FRAS1: variants seen among roughly 807,000 people sequenced by gnomAD.
The protein encoded by FRAS1 is extracellular matrix organizing protein FRAS1.
Under a neutral mutation model 435.2 loss-of-function variants are expected in FRAS1, and 290 were observed. The ratio of observed to expected loss-of-function variants is 0.67; its 90% CI spans 0.61 to 0.73. The LOEUF is 0.73. Ranked by LOEUF, FRAS1 falls within the 30% of genes least tolerant of loss-of-function variation. FRAS1 has a pLI of 0.00. For missense variants in FRAS1, 4,860 were observed against 5,001.5 expected (o/e 0.97, Z 0.85); for synonymous variants, 1,800 against 1,851.0 (o/e 0.97, Z 0.71).
At chr4:78,304,406 G>A (rs1560640015) in intron 14 of FRAS1, among the ~76,000 whole-genome samples, 1 of 152,160 alleles carries the variant, frequency 6.6e-6, no homozygotes, top group Non-Finnish European at 1.5e-5. Flanking sequence ...TTTTTCTATT[G>A]ATTGGAATAG....
chr4:78,290,677 T>C (rs950426299), intron 14 of FRAS1, among the ~76,000 whole-genome samples: 4 of 152,052 alleles, frequency 2.6e-5, no homozygotes, highest in Non-Finnish European at 5.9e-5. Flanking sequence ...GTCGAACTCC[T>C]GACCTCAAGT....
At chr4:78,129,727 A>G (rs1440946855) in intron 2 of FRAS1, among the ~76,000 whole-genome samples, 2 of 152,118 alleles carry the variant, frequency 1.3e-5, no homozygotes, top group Non-Finnish European at 2.9e-5. Flanking sequence ...TCCTTCTAAA[A>G]TTGACCTCCT....
At chr4:78,500,315 C>T (rs906456984) in intron 61 of FRAS1, among the ~76,000 whole-genome samples, 1 of 152,134 alleles carries the variant, frequency 6.6e-6, no homozygotes, top group Non-Finnish European at 1.5e-5. Flanking sequence ...TCCCTGTGTT[C>T]AAGTGGTTTA....
chr4:78,483,652 A>G (rs1210188812), intron 58 of FRAS1, among the ~76,000 whole-genome samples: 3 of 151,562 alleles, frequency 2.0e-5, no homozygotes, highest in African/African-American at 7.3e-5. Flanking sequence ...AAAAGCGTAT[A>G]CTATGAAAAT....
intron 59 of FRAS1, among the ~76,000 whole-genome samples, chr4:78,489,979 A>AAAAAAAAAAAAAAG (rs1720297246): frequency 6.6e-6 from 1 of 150,640 alleles, no homozygotes; most frequent in African/African-American, 2.4e-5. Flanking sequence ...AAAAAAAAAA[A>AAAAAAAAAAAAAAG]AAAAAAAAGA....
chr4:78,099,152 G>T (rs1267347168), intron 2 of FRAS1, among the ~76,000 whole-genome samples: 2 of 152,294 alleles, frequency 1.3e-5, no homozygotes, highest in South Asian at 2.1e-4. Context: ...GGAGAGGGGG[G>T]GCCATGGGGT....
At position 78,363,642 on chromosome 4, in the gene FRAS1, A is replaced by G. The variant is rs376261592; in HGVS notation, c.2552A>G (p.Tyr851Cys). The change falls in exon 21 of 74, where the codon TAT (tyrosine) becomes TGT (cysteine). Residue 851 changes from tyrosine to cysteine, a missense_variant. Tyr to Cys is a radical substitution (Grantham distance 194). Coordinates refer to ENST00000512123, the MANE Select transcript of FRAS1 (RefSeq NM_025074.7). ...GTTCCTGACTGCCCTTCAGGATACT[A>G]TGCAGAGAGAGGAGCTTGTAAAAGT... The part of the protein sequence containing the change: ...HCVPDCPSGY[Y>C]AERGACKKCH... The G allele has an allele frequency of 3.1e-6, 5 of 1,596,642 alleles. No homozygotes were observed. Among genetic ancestry groups the G allele is most frequent in the African/African-American group, 1.3e-5 (1 of 74,522 alleles).
intron 9 of FRAS1, among the ~76,000 whole-genome samples, chr4:78,275,893 A>T (rs1228512615): frequency 6.6e-6 from 1 of 152,156 alleles, no homozygotes; most frequent in Non-Finnish European, 1.5e-5. Flanking sequence ...TCTCCTGGAT[A>T]ATATACTGCA....
intron 70 of FRAS1, among the ~76,000 whole-genome samples, chr4:78,532,441 T>G (rs1168010705): frequency 2.0e-5 from 3 of 152,198 alleles, no homozygotes; most frequent in African/African-American, 7.2e-5. Context: ...TTGATACACA[T>G]AGTGAAATGA....
chr4:78,143,120 A>G (rs1211346300), intron 2 of FRAS1, among the ~76,000 whole-genome samples: 1 of 152,188 alleles, frequency 6.6e-6, no homozygotes, highest in African/African-American at 2.4e-5. Flanking sequence ...AGAAACATAT[A>G]TTAAAAATAA....
intron 25 of FRAS1, 92 bp from the exon 26 acceptor site, chr4:78,375,647 T>G: frequency 2.7e-6 from 3 of 1,114,020 alleles, no homozygotes; most frequent in Non-Finnish European, 3.7e-6. Flanking sequence ...ATTTGTTGCA[T>G]GTGCTCTGAC....
chr4:78,094,714 C>T (rs1741706027), intron 2 of FRAS1, among the ~76,000 whole-genome samples: 1 of 152,124 alleles, frequency 6.6e-6, no homozygotes, highest in East Asian at 1.9e-4. Flanking sequence ...TTTAATAGAA[C>T]CTGTTTATAT....
chr4:78,289,164 A>G (rs1320102375), intron 14 of FRAS1, among the ~76,000 whole-genome samples: 1 of 152,224 alleles, frequency 6.6e-6, no homozygotes, highest in African/African-American at 2.4e-5. Context: ...TCAACAAAAG[A>G]GTACAAGCAG....
At chr4:78,112,823 T>A (rs940382490) in intron 2 of FRAS1, among the ~76,000 whole-genome samples, 3 of 151,844 alleles carry the variant, frequency 2.0e-5, no homozygotes, top group Non-Finnish European at 4.4e-5. Context: ...ATTATTTATT[T>A]ATTTATTCAT....
chr4:78,393,721 G>A (rs1322372862), intron 29 of FRAS1, among the ~76,000 whole-genome samples: 1 of 152,046 alleles, frequency 6.6e-6, no homozygotes, highest in African/African-American at 2.4e-5. Context: ...TACAATGAAC[G>A]TGGAAGTGCA....
chr4:78,325,998 CAGAATGACGCTGG>C (rs906940217), intron 18 of FRAS1, among the ~76,000 whole-genome samples: 1 of 152,156 alleles, frequency 6.6e-6, no homozygotes, highest in African/African-American at 2.4e-5. Flanking sequence ...GAGAATTGTG[CAGAATGACGCTGG>C]AGATGCAGGG....
intron 40 of FRAS1, 53 bp from the exon 41 acceptor site, chr4:78,441,109 T>A (rs1734640821): frequency 6.3e-7 from 1 of 1,594,340 alleles, no homozygotes; most frequent in African/African-American, 1.4e-5. Flanking sequence ...GCTCTTTTTT[T>A]ACTGTGGTTA....
intron 28 of FRAS1, among the ~76,000 whole-genome samples, chr4:78,384,722 C>T (rs1272538201): frequency 4.7e-5 from 7 of 148,152 alleles, no homozygotes; most frequent in Admixed American, 2.7e-4. Flanking sequence ...GGCGAAACCC[C>T]GTCTATACCG....
rs367632490 is a variant in FRAS1, at chr4:78,376,980, T to C, written c.3292+1101T>C. Among the ~76,000 whole-genome samples the C allele has an allele frequency of 7.2e-5, 11 of 152,006 alleles. No homozygotes were observed. In the South Asian group the frequency reaches 2.3e-3, roughly 32 times the overall value. On this transcript the variant is annotated intron_variant, in intron 26 of 73. Transcript: ENST00000512123. The stretch of plus-strand genomic sequence containing the variant: ...CTGCACTCCAGCCTGGGTGACAGAG[T>C]GAGACTCTGTCTCAAAAATAATAAT...
Sources: gnomAD v4.1 joint callset for allele counts (sites outside exome capture counted in the v4.1 genomes callset) on GRCh38, gnomAD v4.1.1 for gene constraint, MANE v1.5 for transcripts, NCBI Gene and HGNC (gene_info 2026-07-23, HGNC 2026-07-21) for gene names.